Variants in LTBP1 observed in about 807,000 individuals in gnomAD.
The protein encoded by LTBP1 is latent-transforming growth factor beta-binding protein 1.
LTBP1 carries 129 observed loss-of-function variants against 207.6 expected under a neutral mutation model. The observed-to-expected ratio is 0.62, with a 90% CI of 0.54 to 0.72. LTBP1 has a LOEUF of 0.72. Ranked by LOEUF, LTBP1 falls within the 30% of genes least tolerant of loss-of-function variation. LTBP1 has a pLI of 0.00. For missense variants in LTBP1, 2,281 were observed against 2,217.2 expected (o/e 1.03, Z -0.58); for synonymous variants, 963 against 833.7 (o/e 1.16, Z -2.67).
At chr2:33,174,969 A>G (rs1322892811) in intron 5 of LTBP1, among the ~76,000 whole-genome samples, 4 of 151,954 alleles carry the variant, frequency 2.6e-5, no homozygotes, top group Non-Finnish European at 4.4e-5. Context: ...GAAAGCTGAA[A>G]CTGGATCCCT....
At chr2:33,354,701 C>T (rs1192105928) in intron 26 of LTBP1, among the ~76,000 whole-genome samples, 1 of 122,820 alleles carries the variant, frequency 8.1e-6, no homozygotes, top group African/African-American at 2.6e-5. Flanking sequence ...CACACACACA[C>T]ACACACACAC....
intron 26 of LTBP1, among the ~76,000 whole-genome samples, chr2:33,354,687 C>T (rs1254982243): frequency 4.4e-4 from 22 of 49,726 alleles, no homozygotes; most frequent in Non-Finnish European, 7.0e-4. Flanking sequence ...AAACTATACA[C>T]ACACACACAC....
intron 3 of LTBP1, among the ~76,000 whole-genome samples, chr2:33,056,832 T>C (rs930753868): frequency 3.9e-5 from 6 of 151,992 alleles, no homozygotes; most frequent in African/African-American, 1.5e-4. Flanking sequence ...CCCGGACGGG[T>C]TGCCACTGCT....
intron 3 of LTBP1, among the ~76,000 whole-genome samples, chr2:33,083,058 C>A (rs985032896): frequency 1.3e-5 from 2 of 151,980 alleles, no homozygotes; most frequent in African/African-American, 4.8e-5. Context: ...CTTGTCCCTT[C>A]CCCAGCAGCT....
chr2:33,067,020 T>TA lies in LTBP1; in HGVS notation c.864-43555dup, dbSNP rs546426319. The stretch of plus-strand genomic sequence containing the variant: ...CATTTCTACAAAAAATAAAACAATT[T>TA]AAAAAAAGCCAGGCATGGTGGCATG... On this transcript the variant is annotated intron_variant, in intron 3 of 33. Coordinates refer to ENST00000404816, the MANE Select transcript of LTBP1 (RefSeq NM_206943.4). Among the ~76,000 whole-genome samples, 63 of 152,062 alleles carry TA rather than the reference T, an allele frequency of 4.1e-4. No homozygotes were observed. In the South Asian group the frequency reaches 0.013, roughly 31 times the overall value.
intron 23 of LTBP1, among the ~76,000 whole-genome samples, chr2:33,314,212 A>G (rs996188280): frequency 2.6e-5 from 4 of 152,094 alleles, no homozygotes; most frequent in African/African-American, 9.7e-5. Flanking sequence ...TCATTCGCTG[A>G]TTTCATCATC....
At position 33,134,700 on chromosome 2, in the gene LTBP1, CT is replaced by C. The variant is rs757185386; in HGVS notation, c.1034-86del. On this transcript the variant is annotated intron_variant, in intron 4 of 33. Coordinates refer to ENST00000404816, the MANE Select transcript of LTBP1 (RefSeq NM_206943.4). The surrounding 1 kb of genome is among the most constrained non-coding windows in gnomAD (Gnocchi z 4.4). ...TTTTCCCCTCTTGCTCCTTTCTTTTCTTTTTTTCTGTTTTTTTAAACCTTCC... is the reference window on the plus strand; with the variant it reads ...TTTTCCCCTCTTGCTCCTTTCTTTTCTTTTTTCTGTTTTTTTAAACCTTCC... 1 of 1,606,734 alleles carries C rather than the reference CT, an allele frequency of 6.2e-7. No individual in the cohort carries two copies. Among genetic ancestry groups the C allele is most frequent in the South Asian group, 1.1e-5 (1 of 89,272 alleles).
At chr2:33,130,786 A>G (rs1207501776) in intron 4 of LTBP1, among the ~76,000 whole-genome samples, 2 of 152,154 alleles carry the variant, frequency 1.3e-5, no homozygotes, top group Non-Finnish European at 2.9e-5. Flanking sequence ...GCGGTGCTGC[A>G]TGGCTCCAGG....
chr2:33,027,107 C>G (rs1479949258), intron 3 of LTBP1, among the ~76,000 whole-genome samples: 1 of 152,130 alleles, frequency 6.6e-6, no homozygotes, highest in African/African-American at 2.4e-5. Flanking sequence ...TTATATTATA[C>G]CACCAATGCT....
chr2:33,108,975 G>C (rs777130638), intron 3 of LTBP1, among the ~76,000 whole-genome samples: 1 of 152,234 alleles, frequency 6.6e-6, no homozygotes, highest in Non-Finnish European at 1.5e-5. Context: ...TGGTGACAAA[G>C]GGAGTGCCCT....
At chr2:33,122,163 G>A (rs2081167833) in intron 4 of LTBP1, among the ~76,000 whole-genome samples, 1 of 150,126 alleles carries the variant, frequency 6.7e-6, no homozygotes, top group Non-Finnish European at 1.5e-5. Flanking sequence ...TATGGGTTCG[G>A]AGCGGGAGCT....
chr2:32,973,552 C>T (rs1031493697), intron 2 of LTBP1, among the ~76,000 whole-genome samples: 2 of 151,902 alleles, frequency 1.3e-5, no homozygotes, highest in African/African-American at 2.4e-5. Context: ...GAGATTGGGG[C>T]ATCTTTCCCT....
intron 5 of LTBP1, among the ~76,000 whole-genome samples, chr2:33,183,615 A>G (rs2086890195): frequency 6.6e-6 from 1 of 152,206 alleles, no homozygotes; most frequent in Non-Finnish European, 1.5e-5. Flanking sequence ...ATTCATGCGT[A>G]TTGGAACCAT....
chr2:33,141,627 T>C (rs1323710531), intron 5 of LTBP1, among the ~76,000 whole-genome samples: 1 of 152,140 alleles, frequency 6.6e-6, no homozygotes, highest in Admixed American at 6.5e-5. Flanking sequence ...GCGTGGTTGC[T>C]ATTTTAGAGA....
chr2:33,392,594 G>A (rs886802039), intron 32 of LTBP1, among the ~76,000 whole-genome samples: 7 of 152,160 alleles, frequency 4.6e-5, no homozygotes, highest in African/African-American at 1.2e-4. Flanking sequence ...GCAAATGGGC[G>A]TGGCTGGGTT....
intron 2 of LTBP1, among the ~76,000 whole-genome samples, chr2:32,991,711 G>C (rs1411633670): frequency 2.6e-5 from 4 of 152,148 alleles, no homozygotes; most frequent in Non-Finnish European, 5.9e-5. Context: ...TTAGAATTCT[G>C]TTTGGAAATG....
chr2:32,946,977 G>A lies in LTBP1; in HGVS notation c.-348G>A. The A allele has an allele frequency of 5.3e-6, 1 of 189,946 alleles. No homozygotes were observed. Among genetic ancestry groups the A allele is most frequent in the Non-Finnish European group, 1.1e-5 (1 of 93,090 alleles). The allele number at this position is 189,946 out of a possible 1,614,324, so 11.8% of individuals were successfully genotyped here. ...CGGAGTGTCCCGCGCGCTCTCGCTC[G>A]CTCTCGGCCACCCTCGCCGGGCCCC... On this transcript the variant is annotated 5_prime_UTR_variant, in exon 1 of 34. Transcript: ENST00000404816.
At chr2:33,242,001 A>G (rs1342486819) in intron 9 of LTBP1, among the ~76,000 whole-genome samples, 2 of 152,228 alleles carry the variant, frequency 1.3e-5, no homozygotes, top group Admixed American at 6.5e-5. Context: ...GTTTCCAGCT[A>G]CGTGCAAGTT....
rs146702134 is a variant in LTBP1 at position 32,969,039 on chromosome 2, C to T, written c.565+20094C>T. Among the ~76,000 whole-genome samples, 659 of 151,712 alleles carry T rather than the reference C, an allele frequency of 4.3e-3. 3 individuals are homozygous for T. Among genetic ancestry groups the T allele is most frequent in the African/African-American group, 0.014 (588 of 41,308 alleles). On this transcript the variant is annotated intron_variant, in intron 2 of 33. Coordinates refer to ENST00000404816, the MANE Select transcript of LTBP1 (RefSeq NM_206943.4). The stretch of plus-strand genomic sequence containing the variant: ...AAGCAGGGCTCGAGCAATTCCCCTG[C>T]CTCAGCCTCCCAAGTAGCTGGGATT...
Sources: gnomAD v4.1 joint callset for allele counts (sites outside exome capture counted in the v4.1 genomes callset) on GRCh38, gnomAD v4.1.1 for gene constraint, Gnocchi (gnomAD v3.1) non-coding constraint, MANE v1.5 for transcripts, NCBI Gene and HGNC (gene_info 2026-07-23, HGNC 2026-07-21) for gene names.